Variants in DOCK2 observed in about 807,000 individuals in gnomAD.
The protein encoded by DOCK2 is dedicator of cytokinesis protein 2.
DOCK2 carries 87 observed loss-of-function variants against 248.9 expected under a neutral mutation model. The observed-to-expected ratio is 0.35, with a 90% CI of 0.29 to 0.42. The LOEUF is 0.42. Ranked by LOEUF, DOCK2 falls within the 10% of genes least tolerant of loss-of-function variation. DOCK2 has a pLI of 1.00. For synonymous variants in DOCK2, 805 were observed against 821.6 expected, an observed-to-expected ratio of 0.98 and a Z score of 0.35; for missense variants, 1,747 against 2,300.2, an observed-to-expected ratio of 0.76 and a Z score of 4.92.
chr5:169,812,520 C>T (rs547895097), intron 26 of DOCK2, among the ~76,000 whole-genome samples: 2 of 152,180 alleles, frequency 1.3e-5, no homozygotes, highest in Admixed American at 6.5e-5. Context: ...CCCCACCATC[C>T]GTTTTGTGAA....
At chr5:169,745,038 G>A (rs933527372) in intron 22 of DOCK2, among the ~76,000 whole-genome samples, 2 of 152,210 alleles carry the variant, frequency 1.3e-5, no homozygotes, top group Non-Finnish European at 2.9e-5. Flanking sequence ...TAGCAGCCAT[G>A]GTGATGGAAT....
chr5:169,987,712 T>G (rs901687441), intron 29 of DOCK2, among the ~76,000 whole-genome samples: 2 of 152,220 alleles, frequency 1.3e-5, no homozygotes, highest in Non-Finnish European at 2.9e-5. Context: ...CCTTATTTCT[T>G]TATACCTAGA....
At chr5:170,026,634 C>A (rs1755926123) in intron 33 of DOCK2, among the ~76,000 whole-genome samples, 1 of 152,168 alleles carries the variant, frequency 6.6e-6, no homozygotes, top group Non-Finnish European at 1.5e-5. Context: ...ATAGTAAAAA[C>A]CATTTTGCAA....
At chr5:169,882,135 T>A (rs1772690848) in intron 27 of DOCK2, among the ~76,000 whole-genome samples, 1 of 152,166 alleles carries the variant, frequency 6.6e-6, no homozygotes, top group African/African-American at 2.4e-5. Context: ...CCATCTCAAG[T>A]CCTTTGTCAC....
chr5:170,065,569 A>T (rs1485194738), intron 44 of DOCK2, among the ~76,000 whole-genome samples: 1 of 152,252 alleles, frequency 6.6e-6, no homozygotes, highest in Non-Finnish European at 1.5e-5. Context: ...AAAGACGTTT[A>T]TTGGACTTAC....
intron 23 of DOCK2, among the ~76,000 whole-genome samples, chr5:169,758,545 G>A (rs768312482): frequency 6.6e-6 from 1 of 152,214 alleles, no homozygotes; most frequent in Non-Finnish European, 1.5e-5. Flanking sequence ...TGCTATTTGA[G>A]TAAGGTGACC....
intron 25 of DOCK2, among the ~76,000 whole-genome samples, chr5:169,798,104 A>G (rs2113103897): frequency 1.3e-5 from 2 of 152,326 alleles, no homozygotes; most frequent in South Asian, 4.1e-4. Flanking sequence ...TTGATAAACC[A>G]TTGCTTCTCC....
chr5:169,801,007 G>A (rs1645597848), intron 25 of DOCK2, among the ~76,000 whole-genome samples: 1 of 127,066 alleles, frequency 7.9e-6, no homozygotes, highest in Admixed American at 9.7e-5. Flanking sequence ...CCAGGCTGGA[G>A]TGCAGTTGTG....
At chr5:169,862,400 A>G (rs1771259800) in intron 27 of DOCK2, among the ~76,000 whole-genome samples, 2 of 152,240 alleles carry the variant, frequency 1.3e-5, no homozygotes, top group Admixed American at 1.3e-4. Flanking sequence ...CTACTACAAG[A>G]TAAAATTACA....
chr5:169,654,362 TC>T lies in DOCK2; in HGVS notation c.44-40del, dbSNP rs1489408803. 2.5e-6 allele frequency: 4 copies of T among 1,599,722 alleles called. No homozygotes were observed. In the African/African-American group the frequency reaches 4.0e-5, roughly 16 times the overall value. On this transcript the variant is annotated intron_variant, in intron 1 of 51. Coordinates refer to ENST00000520908, the MANE Select transcript of DOCK2 (RefSeq NM_004946.3). ...CAGGAAGGAGCAGAGACTAATGAGA[TC>T]TAGAGGTCTCACCTAGCTGTCTTTC...
chr5:169,697,981 C>T (rs1043717825), intron 10 of DOCK2, among the ~76,000 whole-genome samples: 4 of 152,200 alleles, frequency 2.6e-5, no homozygotes, highest in African/African-American at 9.6e-5. Flanking sequence ...ATGAGATTCT[C>T]AGATCCTACA....
chr5:169,803,339 C>A, intron 26 of DOCK2, 133 bp downstream of exon 26: 1 of 1,208,430 alleles, frequency 8.3e-7, no homozygotes, highest in Non-Finnish European at 1.1e-6. Context: ...AGCAGGCCTA[C>A]TTTTCCTGTG....
At chr5:170,082,695 G>T in intron 51 of DOCK2, 101 bp from the exon 52 acceptor site, 2 of 1,427,350 alleles carry the variant, frequency 1.4e-6, no homozygotes, top group Non-Finnish European at 1.9e-6. Context: ...TTTGGGCAGG[G>T]GTCAGTGTTG....
At chr5:170,079,278 G>T in intron 49 of DOCK2, 132 bp downstream of exon 49, 4 of 1,284,692 alleles carry the variant, frequency 3.1e-6, no homozygotes, top group Non-Finnish European at 4.2e-6. Context: ...TATTGCAGAG[G>T]CGGCACCTGA....
chr5:169,915,848 G>T (rs554200972), intron 27 of DOCK2, among the ~76,000 whole-genome samples: 1 of 152,294 alleles, frequency 6.6e-6, no homozygotes, highest in South Asian at 2.1e-4. Flanking sequence ...GTGTGAGATT[G>T]ATGACTTGGG....
rs1295269724 is a variant in DOCK2, at chr5:169,983,050, T to C, written c.2800-18T>C. On this transcript the variant is annotated intron_variant, in intron 27 of 51. Coordinates refer to ENST00000520908, the MANE Select transcript of DOCK2 (RefSeq NM_004946.3). ...TCCTCTCTCAACTATTTATAGTATT[T>C]GTCTTCATTTCTTGCAGAGTCACTT... 1 of 1,613,598 alleles carries C rather than the reference T, an allele frequency of 6.2e-7. No individual in the cohort carries two copies. Among genetic ancestry groups the C allele is most frequent in the Admixed American group, 1.7e-5 (1 of 60,006 alleles).
At chr5:169,786,432 G>A (rs968732913) in intron 25 of DOCK2, among the ~76,000 whole-genome samples, 20 of 152,150 alleles carry the variant, frequency 1.3e-4, no homozygotes, top group Admixed American at 1.2e-3. Flanking sequence ...GTTGACTGGC[G>A]TGGATCTTGG....
intron 49 of DOCK2, chr5:170,079,958 C>A (rs970149036): frequency 1.5e-6 from 1 of 670,558 alleles, no homozygotes; most frequent in East Asian, 2.9e-5. Flanking sequence ...CCGCCACCCC[C>A]GCCTGTAGTT....
At chr5:169,978,392 TG>T (rs150934804) in intron 27 of DOCK2, among the ~76,000 whole-genome samples, 2,449 of 22,682 alleles carry the variant, frequency 0.11, 189 homozygotes, top group Admixed American at 0.34. Context: ...TGTGTGTGTG[TG>T]GGGGGGGGGG....
Sources: gnomAD v4.1 joint callset for allele counts (sites outside exome capture counted in the v4.1 genomes callset) on GRCh38, gnomAD v4.1.1 for gene constraint, MANE v1.5 for transcripts, NCBI Gene and HGNC (gene_info 2026-07-23, HGNC 2026-07-21) for gene names.